TAFA2: variants seen among roughly 807,000 people sequenced by gnomAD.
TAFA2 encodes the protein chemokine-like protein TAFA-2.
TAFA2 carries 7 observed loss-of-function variants against 18.8 expected under a neutral mutation model. That is an observed-to-expected ratio of 0.37 (90% CI 0.21 to 0.70). The LOEUF (loss-of-function observed/expected upper bound fraction) is 0.70. TAFA2 is among the 30% of genes least tolerant of loss of function. TAFA2 has a pLI of 0.53. For missense variants in TAFA2, 122 were observed against 158.1 expected, an observed-to-expected ratio of 0.77 and a Z score of 1.23; for synonymous variants, 60 against 54.2, an observed-to-expected ratio of 1.11 and a Z score of -0.47.
chr12:62,099,290 AGAACTATTATCC>A (rs1869085572), intron 1 of TAFA2, among the ~76,000 whole-genome samples: 1 of 152,326 alleles, frequency 6.6e-6, no homozygotes, highest in South Asian at 2.1e-4. Flanking sequence ...CTCCCAGCCC[AGAACTATTATCC>A]GTACTATATT....
chr12:61,935,363 A>G (rs1877719971), intron 1 of TAFA2, among the ~76,000 whole-genome samples: 1 of 152,170 alleles, frequency 6.6e-6, no homozygotes. Context: ...TTACTGTGCA[A>G]TAATTCATCA....
At chr12:62,197,835 C>A (rs552136313) in intron 1 of TAFA2, among the ~76,000 whole-genome samples, 2 of 152,240 alleles carry the variant, frequency 1.3e-5, no homozygotes, top group East Asian at 1.9e-4. Context: ...ACCACAATTT[C>A]TTTAACCATT....
At chr12:61,933,715 C>T (rs1012811966) in intron 1 of TAFA2, among the ~76,000 whole-genome samples, 2 of 151,978 alleles carry the variant, frequency 1.3e-5, no homozygotes, top group African/African-American at 2.4e-5. Flanking sequence ...AGAGACAGAC[C>T]CTGTCTCTTT....
At chr12:61,843,655 T>C (rs899142399) in intron 2 of TAFA2, among the ~76,000 whole-genome samples, 5 of 152,152 alleles carry the variant, frequency 3.3e-5, no homozygotes, top group African/African-American at 1.2e-4. Flanking sequence ...TAAGCCTTGC[T>C]CTCCATTTTC....
intron 1 of TAFA2, among the ~76,000 whole-genome samples, chr12:62,120,258 C>A (rs78283109): frequency 0.051 from 7,733 of 152,210 alleles, 295 homozygotes; most frequent in Non-Finnish European, 0.079. Flanking sequence ...GATATACCCA[C>A]AAATGTTGAC....
intron 1 of TAFA2, among the ~76,000 whole-genome samples, chr12:61,885,372 G>A (rs1027478542): frequency 4.6e-5 from 7 of 152,160 alleles, no homozygotes; most frequent in African/African-American, 1.7e-4. Context: ...CCAGGGTGCA[G>A]GGCAGCTTCA....
chr12:62,018,870 C>T (rs1190984773), intron 1 of TAFA2, among the ~76,000 whole-genome samples: 1 of 152,068 alleles, frequency 6.6e-6, no homozygotes, highest in Non-Finnish European at 1.5e-5. Flanking sequence ...AAGAAACTAC[C>T]ATCAGAATGA....
intron 1 of TAFA2, among the ~76,000 whole-genome samples, chr12:62,032,575 G>A (rs1458360536): frequency 6.6e-6 from 1 of 152,080 alleles, no homozygotes; most frequent in African/African-American, 2.4e-5. Context: ...AAAAGCATTG[G>A]TAATCATGTC....
chr12:62,215,966 CCTGT>C, intron 1 of TAFA2, among the ~76,000 whole-genome samples: 1 of 151,920 alleles, frequency 6.6e-6, no homozygotes, highest in Non-Finnish European at 1.5e-5. Flanking sequence ...TTCTAGAGAC[CCTGT>C]ATCACCATGG....
At chr12:61,944,191 C>T (rs1025108087) in intron 1 of TAFA2, among the ~76,000 whole-genome samples, 5 of 146,696 alleles carry the variant, frequency 3.4e-5, no homozygotes, top group Non-Finnish European at 7.5e-5. Context: ...GAACAACCTG[C>T]TCCTGAATGA....
At chr12:61,939,942 T>C (rs574598644) in intron 1 of TAFA2, among the ~76,000 whole-genome samples, 4 of 152,204 alleles carry the variant, frequency 2.6e-5, no homozygotes, top group South Asian at 2.1e-4. Flanking sequence ...CAGAGAAACA[T>C]GACAATAGAT....
intron 4 of TAFA2, among the ~76,000 whole-genome samples, chr12:61,714,294 A>G (rs1448794609): frequency 6.6e-6 from 1 of 152,164 alleles, no homozygotes; most frequent in African/African-American, 2.4e-5. Context: ...TTTTTTACGC[A>G]AATCTTATTT....
intron 1 of TAFA2, among the ~76,000 whole-genome samples, chr12:62,045,693 C>A (rs1881890728): frequency 6.6e-6 from 1 of 152,078 alleles, no homozygotes; most frequent in Admixed American, 6.6e-5. Flanking sequence ...TTTAGATGTT[C>A]CTGTTTTTAA....
At chr12:61,977,518 A>ATG (rs1879480592) in intron 1 of TAFA2, among the ~76,000 whole-genome samples, 1 of 152,040 alleles carries the variant, frequency 6.6e-6, no homozygotes, top group Admixed American at 6.6e-5. Context: ...CAGACAATGA[A>ATG]TGTGCTACTG....
intron 4 of TAFA2, among the ~76,000 whole-genome samples, chr12:61,751,118 A>G (rs1178945104): frequency 2.6e-5 from 4 of 152,088 alleles, no homozygotes; most frequent in Admixed American, 6.6e-5. Flanking sequence ...TCCTCTATCC[A>G]ACACTTCCAC....
intron 1 of TAFA2, among the ~76,000 whole-genome samples, chr12:62,189,060 T>C (rs1161231514): frequency 6.6e-6 from 1 of 152,178 alleles, no homozygotes; most frequent in African/African-American, 2.4e-5. Context: ...TATATAGGCA[T>C]TTGCTTTAAT....
Position 61,753,609 on chromosome 12 carries a change from G to T in TAFA2, c.384+13C>A. 6.2e-7 allele frequency: 1 copy of T among 1,608,432 alleles called. No homozygotes were observed. ...AGAGACATTCTGTTTTCCCAAGCTT[G>T]CTGTCCACTTACCCTAGTTGTTTTG... is the stretch of plus-strand genomic sequence containing the variant. On this transcript the variant is annotated intron_variant, in intron 4 of 4. Transcript: ENST00000416284.
chr12:61,951,394 C>A (rs1486965318), intron 1 of TAFA2, among the ~76,000 whole-genome samples: 2 of 152,148 alleles, frequency 1.3e-5, no homozygotes, highest in Non-Finnish European at 2.9e-5. Context: ...CCAACATGAA[C>A]TGTTTTCTTA....
rs140774979 is a variant in TAFA2 at position 61,934,064 on chromosome 12, G to A, written c.-1-66638C>T. Among the ~76,000 whole-genome samples the A allele has an allele frequency of 6.3e-3, 966 of 152,208 alleles. 3 individuals carry two copies. Among genetic ancestry groups the A allele is most frequent in the Non-Finnish European group, 7.0e-3 (478 of 68,010 alleles). On this transcript the variant is annotated intron_variant, in intron 1 of 4. Transcript: ENST00000416284. ...AGAAACTGCCTAATGCCTCATTTTC[G>A]TTGTATATCTTAGGTGTAATTGTTT...
Sources: gnomAD v4.1 joint callset for allele counts (sites outside exome capture counted in the v4.1 genomes callset) on GRCh38, gnomAD v4.1.1 for gene constraint, MANE v1.5 for transcripts, NCBI Gene and HGNC (gene_info 2026-07-23, HGNC 2026-07-21) for gene names.